The following SPATA17 variants were observed in gnomAD, a reference collection of about 807,000 sequenced individuals.
SPATA17 encodes spermatogenesis-associated protein 17.
SPATA17 carries 53 observed loss-of-function variants against 62.2 expected under a neutral mutation model. The observed-to-expected ratio is 0.85, with a 90% CI of 0.68 to 1.07. The LOEUF is 1.07. SPATA17 is among the 50% of genes least tolerant of loss of function. The pLI, the probability that SPATA17 is intolerant of heterozygous loss-of-function variation, is 0.00. For synonymous variants in SPATA17, 146 were observed against 146.8 expected (o/e 0.99, Z 0.04); for missense variants, 466 against 425.5 (o/e 1.10, Z -0.84).
intron 5 of SPATA17, among the ~76,000 whole-genome samples, chr1:217,733,965 A>G (rs763235930): frequency 1.3e-5 from 2 of 152,202 alleles, no homozygotes; most frequent in Non-Finnish European, 2.9e-5. Flanking sequence ...AACACCTGTC[A>G]TACAGATCCG....
intron 9 of SPATA17, among the ~76,000 whole-genome samples, chr1:217,804,931 A>G (rs1034941190): frequency 2.0e-5 from 3 of 152,156 alleles, no homozygotes; most frequent in Admixed American, 2.0e-4. Context: ...CTTGTACACT[A>G]TTGGTGGGAA....
At chr1:217,810,123 C>A (rs1046530565) in intron 9 of SPATA17, among the ~76,000 whole-genome samples, 3 of 152,066 alleles carry the variant, frequency 2.0e-5, no homozygotes, top group Non-Finnish European at 4.4e-5. Context: ...TGGTTTTATA[C>A]AACAGATTCA....
rs181673903 is a variant in SPATA17, at chr1:217,839,738, A to G, written c.1006-23036A>G. ...TTTTCAAATGTATGTATAATACAAC[A>G]TAGGGGAACCATAGTTGGTGGTTAG... On this transcript the variant is annotated intron_variant, in intron 9 of 10. Coordinates refer to ENST00000366933, the MANE Select transcript of SPATA17 (RefSeq NM_138796.4). 1.2e-3 allele frequency among the ~76,000 whole-genome samples: 184 copies of G among 152,134 alleles called. 1 individual carries two copies. Among genetic ancestry groups the G allele is most frequent in the Admixed American group, 0.011 (171 of 15,252 alleles).
chr1:217,824,265 T>C (rs1052634417), intron 9 of SPATA17, among the ~76,000 whole-genome samples: 1 of 151,976 alleles, frequency 6.6e-6, no homozygotes, highest in Non-Finnish European at 1.5e-5. Flanking sequence ...TTATTTACTT[T>C]GGGATATTTT....
rs568440062 is a variant in SPATA17, at chr1:217,735,047, C to T, written c.396-6928C>T. Among the ~76,000 whole-genome samples the T allele has an allele frequency of 3.3e-5, 5 of 152,256 alleles. No homozygotes were observed. The South Asian group carries it at 6.2e-4, about 19-fold the overall frequency. ...TTCTTCTCTCTCCTAATTAAACCAT[C>T]AGGAGTGATGAAATATACTAGTCAA... is the stretch of plus-strand genomic sequence containing the variant. On this transcript the variant is annotated intron_variant, in intron 5 of 10. Coordinates refer to ENST00000366933, the MANE Select transcript of SPATA17 (RefSeq NM_138796.4).
chr1:217,714,731 C>A (rs568342603), intron 5 of SPATA17, among the ~76,000 whole-genome samples: 1 of 151,816 alleles, frequency 6.6e-6, no homozygotes. Flanking sequence ...ATGATCCGCC[C>A]GCCTCGGCCT....
At chr1:217,671,045 G>T (rs1299105457) in intron 4 of SPATA17, among the ~76,000 whole-genome samples, 1 of 150,062 alleles carries the variant, frequency 6.7e-6, no homozygotes, top group Admixed American at 6.6e-5. Flanking sequence ...AAAAGAAAAA[G>T]AAAAAAGTTA....
intron 1 of SPATA17, 76 bp from the exon 2 acceptor site, chr1:217,648,806 A>G: frequency 1.3e-6 from 1 of 792,818 alleles, no homozygotes; most frequent in Non-Finnish European, 2.0e-6. Flanking sequence ...GAAATTAAAA[A>G]TCAAGTTTAA....
At chr1:217,834,318 T>C (rs921863060) in intron 9 of SPATA17, among the ~76,000 whole-genome samples, 20 of 152,192 alleles carry the variant, frequency 1.3e-4, no homozygotes, top group Admixed American at 1.1e-3. Flanking sequence ...TTAGCGTGTA[T>C]TGCTTCTATT....
At position 217,869,268 on chromosome 1, in the gene SPATA17, A is replaced by C. The variant is rs1450685983; in HGVS notation, c.*2249A>C. 1 of 152,232 alleles carries C rather than the reference A, an allele frequency of 6.6e-6. No individual in the cohort carries two copies. Among genetic ancestry groups the C allele is most frequent in the Admixed American group, 6.5e-5 (1 of 15,276 alleles). The allele number at this position is 152,232 out of a possible 1,614,324, so 9.4% of individuals were successfully genotyped here. ...TCATAGTTGGAGTCAAAGACTTTCC[A>C]ATTGGCAATTGGTTCAAAGAATTTA... On this transcript the variant is annotated 3_prime_UTR_variant, in exon 11 of 11. Transcript: ENST00000366933.
chr1:217,861,752 T>C (rs1675901781), intron 9 of SPATA17, among the ~76,000 whole-genome samples: 1 of 152,176 alleles, frequency 6.6e-6, no homozygotes, highest in South Asian at 2.1e-4. Context: ...TAAGCATTTT[T>C]ATCACTCAAA....
intron 4 of SPATA17, among the ~76,000 whole-genome samples, chr1:217,675,628 T>C (rs1670929763): frequency 1.3e-5 from 2 of 152,204 alleles, no homozygotes; most frequent in South Asian, 4.1e-4. Context: ...TAAATACTAA[T>C]AATGAATTAA....
intron 1 of SPATA17, among the ~76,000 whole-genome samples, chr1:217,635,391 T>A (rs1669914316): frequency 6.6e-6 from 1 of 152,084 alleles, no homozygotes; most frequent in Admixed American, 6.6e-5. Context: ...GTGGGGGCCC[T>A]TTAGGTCTTA....
chr1:217,836,877 T>C (rs1464890479), intron 9 of SPATA17, among the ~76,000 whole-genome samples: 4 of 152,140 alleles, frequency 2.6e-5, no homozygotes, highest in African/African-American at 9.6e-5. Context: ...AACCTCAAGA[T>C]TCTCTCTCTG....
chr1:217,726,471 T>G (rs756782526), intron 5 of SPATA17, among the ~76,000 whole-genome samples: 3 of 152,178 alleles, frequency 2.0e-5, no homozygotes, highest in Non-Finnish European at 2.9e-5. Context: ...TCCCCAAGTC[T>G]TTATAAACCC....
chr1:217,719,885 C>T (rs1258529423), intron 5 of SPATA17, among the ~76,000 whole-genome samples: 2 of 152,108 alleles, frequency 1.3e-5, no homozygotes, highest in Non-Finnish European at 2.9e-5. Context: ...ACGTCATGGG[C>T]GAGAGCTGTT....
chr1:217,801,037 C>A (rs1674297269), intron 8 of SPATA17, among the ~76,000 whole-genome samples: 1 of 152,050 alleles, frequency 6.6e-6, no homozygotes, highest in South Asian at 2.1e-4. Flanking sequence ...GCAACAGGTT[C>A]CTTCGATTTT....
intron 9 of SPATA17, among the ~76,000 whole-genome samples, chr1:217,850,247 T>C (rs1675616872): frequency 6.6e-6 from 1 of 152,200 alleles, no homozygotes. Context: ...CATCCAGAAT[T>C]TTCTTTAATG....
chr1:217,700,513 A>C (rs1671569627), intron 5 of SPATA17, among the ~76,000 whole-genome samples: 1 of 152,162 alleles, frequency 6.6e-6, no homozygotes, highest in Non-Finnish European at 1.5e-5. Context: ...TTTTGATTGA[A>C]TACACACCCA....
Sources: allele counts gnomAD v4.1 joint callset (sites outside exome capture counted in the v4.1 genomes callset), GRCh38; gene constraint gnomAD v4.1.1; transcripts MANE v1.5; gene names NCBI Gene and HGNC (gene_info 2026-07-23, HGNC 2026-07-21).